The following KANK1 variants were observed in gnomAD, a reference collection of about 807,000 sequenced individuals.
The protein encoded by KANK1 is KN motif and ankyrin repeat domains 1.
Under a neutral mutation model 106.2 loss-of-function variants are expected in KANK1, and 109 were observed. The observed-to-expected ratio is 1.03, with a 90% CI of 0.88 to 1.20. The LOEUF (loss-of-function observed/expected upper bound fraction) is 1.20, where lower values mean the gene tolerates loss of function less well. Among genes scored for constraint, KANK1 ranks in the 50% most tolerant of loss-of-function variants. KANK1 has a pLI of 0.00. For synonymous variants in KANK1, 873 were observed against 652.2 expected, an observed-to-expected ratio of 1.34 and a Z score of -5.16; for missense variants, 2,399 against 1,710.7, an observed-to-expected ratio of 1.40 and a Z score of -7.10.
At chr9:560,058 T>G (rs141619619) in intron 1 of KANK1, among the ~76,000 whole-genome samples, 5 of 152,212 alleles carry the variant, frequency 3.3e-5, no homozygotes, top group African/African-American at 1.2e-4. Context: ...ACAGCAGATA[T>G]GGAATAATCC....
intron 1 of KANK1, among the ~76,000 whole-genome samples, chr9:548,595 A>T (rs1373557259): frequency 6.6e-6 from 1 of 152,170 alleles, no homozygotes; most frequent in African/African-American, 2.4e-5. Flanking sequence ...AATAGTTGTA[A>T]TATAGGAAAT....
Position 706,604 on chromosome 9 carries a change from A to C in KANK1, c.38-4200A>C, listed in dbSNP as rs187940457. Among the ~76,000 whole-genome samples the C allele has an allele frequency of 6.7e-5, 10 of 149,408 alleles. No homozygotes were observed. The Admixed American group carries it at 6.7e-4, about 10-fold the overall frequency. ...TTTTAATGTTTTACAAGCATGTACT[A>C]CTTTCGTATCTGGAAAAAGGTTTGT... On this transcript the variant is annotated intron_variant, in intron 2 of 11. Coordinates refer to ENST00000382297, the MANE Select transcript of KANK1 (RefSeq NM_015158.5).
chr9:515,318 C>T (rs2059232586), intron 1 of KANK1, among the ~76,000 whole-genome samples: 1 of 148,438 alleles, frequency 6.7e-6, no homozygotes, highest in African/African-American at 2.5e-5. Context: ...GCCCTCCAGC[C>T]TGGGTGAAAG....
At chr9:744,467 T>G in intron 10 of KANK1, 24 bp from the exon 11 acceptor site, 6 of 1,606,888 alleles carry the variant, frequency 3.7e-6, no homozygotes, top group Non-Finnish European at 5.1e-6. Context: ...CCAACATGGC[T>G]TGTTCTTTCC....
chr9:735,070 G>C (rs538960186), intron 7 of KANK1, among the ~76,000 whole-genome samples: 2 of 152,308 alleles, frequency 1.3e-5, no homozygotes, highest in South Asian at 4.1e-4. Flanking sequence ...TTTTCCTGGG[G>C]TGGAGGCATC....
At chr9:709,426 G>T (rs1589091196) in intron 2 of KANK1, among the ~76,000 whole-genome samples, 1 of 152,162 alleles carries the variant, frequency 6.6e-6, no homozygotes, top group East Asian at 1.9e-4. Flanking sequence ...AAAGACAGCA[G>T]CAGGGACATC....
At chr9:623,708 T>A (rs1290627700) in intron 1 of KANK1, among the ~76,000 whole-genome samples, 1 of 152,112 alleles carries the variant, frequency 6.6e-6, no homozygotes, top group African/African-American at 2.4e-5. Flanking sequence ...ATCTCACATT[T>A]GTTAGGATGC....
At position 745,380 on chromosome 9, in the gene KANK1, T is replaced by C. The variant is rs1479295986; in HGVS notation, c.*145T>C. Reference sequence around the variant, plus strand: ...AAGCCCAGGGGTAAAGGCTGAAGCTTTCACAGTGCAGAGACTGCTAGCCTG... The same window carrying C: ...AAGCCCAGGGGTAAAGGCTGAAGCTCTCACAGTGCAGAGACTGCTAGCCTG... On this transcript the variant is annotated 3_prime_UTR_variant, in exon 12 of 12. Transcript: ENST00000382297. 1.6e-5 allele frequency: 16 copies of C among 1,007,798 alleles called. No individual in the cohort carries two copies. Among genetic ancestry groups the C allele is most frequent in the Non-Finnish European group, 2.3e-5 (15 of 659,810 alleles). 62.4% of individuals were successfully genotyped at this position (1,007,798 alleles called of 1,614,324 possible). A position where few individuals can be genotyped will look rare whatever the true frequency, so the allele number is the denominator to read the frequency against.
intron 3 of KANK1, among the ~76,000 whole-genome samples, chr9:494,034 C>T (rs1230846144): frequency 6.6e-6 from 1 of 151,928 alleles, no homozygotes; most frequent in African/African-American, 2.4e-5. Context: ...AGGTGCACAC[C>T]GCCATGCCCC....
chr9:699,257 T>A (rs1822068208), intron 2 of KANK1, among the ~76,000 whole-genome samples: 1 of 152,240 alleles, frequency 6.6e-6, no homozygotes, highest in Non-Finnish European at 1.5e-5. Flanking sequence ...CTTGTCTGTC[T>A]CCTCCTATAC....
At chr9:627,008 C>G (rs1436805970) in intron 1 of KANK1, among the ~76,000 whole-genome samples, 1 of 152,040 alleles carries the variant, frequency 6.6e-6, no homozygotes, top group Non-Finnish European at 1.5e-5. Flanking sequence ...GTCTTTATTT[C>G]ATATTTATTT....
chr9:607,976 A>G lies in KANK1; in HGVS notation c.-83-68914A>G, dbSNP rs576252410. The stretch of plus-strand genomic sequence containing the variant: ...GTATGTGTATAATTTATCTAGTACC[A>G]TGGAATCTTTGAAGGAAAGACTAAA... On this transcript the variant is annotated intron_variant, in intron 1 of 11. Coordinates refer to ENST00000382297, the MANE Select transcript of KANK1 (RefSeq NM_015158.5). Among the ~76,000 whole-genome samples, 6 of 150,392 alleles carry G rather than the reference A, an allele frequency of 4.0e-5. No homozygotes were observed. The South Asian group carries it at 8.4e-4, about 21-fold the overall frequency.
intron 2 of KANK1, among the ~76,000 whole-genome samples, chr9:696,753 A>C (rs1309965241): frequency 6.6e-6 from 1 of 152,062 alleles, no homozygotes; most frequent in African/African-American, 2.4e-5. Flanking sequence ...AGTGATTGAG[A>C]AGTTGTAGAC....
intron 1 of KANK1, among the ~76,000 whole-genome samples, chr9:614,073 A>T (rs578041768): frequency 1.0e-3 from 159 of 152,302 alleles, no homozygotes; most frequent in African/African-American, 3.7e-3. Flanking sequence ...CGGCCAGCAG[A>T]GTGCTCAGTT....
chr9:652,374 T>A (rs1346276608), intron 1 of KANK1, among the ~76,000 whole-genome samples: 1 of 152,006 alleles, frequency 6.6e-6, no homozygotes, highest in Non-Finnish European at 1.5e-5. Context: ...TACAAAAAAA[T>A]TAGCCAGACA....
chr9:631,002 ATTGT>A (rs1563893556), intron 1 of KANK1, among the ~76,000 whole-genome samples: 2 of 152,158 alleles, frequency 1.3e-5, no homozygotes, highest in Non-Finnish European at 2.9e-5. Context: ...CTGGTTGTTG[ATTGT>A]TTAAGGAAAA....
chr9:648,456 G>A (rs1292776250), intron 1 of KANK1, among the ~76,000 whole-genome samples: 6 of 152,120 alleles, frequency 3.9e-5, no homozygotes, highest in South Asian at 2.1e-4. Flanking sequence ...ACATAGAAAT[G>A]TACCAATTCC....
At chr9:649,750 C>A (rs2031175) in intron 1 of KANK1, among the ~76,000 whole-genome samples, 2 of 151,936 alleles carry the variant, frequency 1.3e-5, no homozygotes, top group African/African-American at 4.8e-5. Flanking sequence ...TAAGCTGGTA[C>A]TGATCTCGTT....
chr9:709,512 A>G lies in KANK1; in HGVS notation c.38-1292A>G, dbSNP rs150463905. Among the ~76,000 whole-genome samples the G allele has an allele frequency of 1.3e-3, 205 of 152,170 alleles. 4 individuals are homozygous for G. In the Middle Eastern group the frequency reaches 0.024, roughly 18 times the overall value. On this transcript the variant is annotated intron_variant, in intron 2 of 11. Coordinates refer to ENST00000382297, the MANE Select transcript of KANK1 (RefSeq NM_015158.5). ...CTTTTAGTTTTTTTGTGTGCCTCAG[A>G]TAACACTTTGAAAAACAGGAATCTT...
Sources: gnomAD v4.1 joint callset for allele counts (sites outside exome capture counted in the v4.1 genomes callset) on GRCh38, gnomAD v4.1.1 for gene constraint, MANE v1.5 for transcripts, NCBI Gene and HGNC (gene_info 2026-07-23, HGNC 2026-07-21) for gene names.